The following SPAG16 variants were observed in gnomAD, a reference collection of about 807,000 sequenced individuals.
SPAG16 encodes the protein sperm associated antigen 16.
In SPAG16, 86 loss-of-function variants were observed where a neutral mutation model predicts 80.4. The ratio of observed to expected loss-of-function variants is 1.07; its 90% CI spans 0.90 to 1.28. The LOEUF is 1.28. Ranked by LOEUF, SPAG16 falls within the 50% of genes most tolerant of loss-of-function variation. SPAG16 has a pLI of 0.00. For synonymous variants in SPAG16, 294 were observed against 265.9 expected (o/e 1.11, Z -1.03); for missense variants, 870 against 765.3 (o/e 1.14, Z -1.61).
chr2:213,312,763 G>C (rs767912174), intron 4 of SPAG16, among the ~76,000 whole-genome samples: 1 of 151,590 alleles, frequency 6.6e-6, no homozygotes, highest in Non-Finnish European at 1.5e-5. Flanking sequence ...TAAATTAAGA[G>C]TATATTTCAT....
intron 15 of SPAG16, among the ~76,000 whole-genome samples, chr2:214,308,766 A>G (rs1695095931): frequency 6.6e-6 from 1 of 151,916 alleles, no homozygotes; most frequent in African/African-American, 2.4e-5. Flanking sequence ...ATTATTAGTC[A>G]GGGGCTTCTC....
intron 15 of SPAG16, among the ~76,000 whole-genome samples, chr2:214,179,279 G>T (rs1477641610): frequency 6.6e-6 from 1 of 150,978 alleles, no homozygotes; most frequent in Non-Finnish European, 1.5e-5. Flanking sequence ...GCTATCAGTT[G>T]GTATAATTTT....
chr2:214,163,898 G>A (rs1381776841), intron 15 of SPAG16, among the ~76,000 whole-genome samples: 2 of 151,838 alleles, frequency 1.3e-5, no homozygotes, highest in Non-Finnish European at 2.9e-5. Context: ...TCACATTATG[G>A]AGGGTAATCT....
rs1375045592 is a variant in SPAG16, at chr2:214,139,114, A to C, written c.1594-10026A>C. Among the ~76,000 whole-genome samples the C allele has an allele frequency of 2.0e-5, 3 of 152,152 alleles. No homozygotes were observed. In the East Asian group the frequency reaches 5.8e-4, roughly 29 times the overall value. ...GTCTAGGTCTCATTTCAAGAGCAAT[A>C]TTTGTATTGTCTTAGTGGTTTTCCT... On this transcript the variant is annotated intron_variant, in intron 14 of 15. Coordinates refer to ENST00000331683, the MANE Select transcript of SPAG16 (RefSeq NM_024532.5).
At chr2:214,053,867 T>G (rs952391597) in intron 13 of SPAG16, among the ~76,000 whole-genome samples, 2 of 152,188 alleles carry the variant, frequency 1.3e-5, no homozygotes, top group African/African-American at 4.8e-5. Flanking sequence ...AAAAGTCCTT[T>G]GCAAACTCTG....
rs941253596 is a variant in SPAG16 at position 213,814,643 on chromosome 2, A to G, written c.1071-47842A>G. Among the ~76,000 whole-genome samples the G allele has an allele frequency of 1.6e-4, 24 of 152,166 alleles. No homozygotes were observed. In the South Asian group the frequency reaches 4.4e-3, roughly 28 times the overall value. On this transcript the variant is annotated intron_variant, in intron 10 of 15. Coordinates refer to ENST00000331683, the MANE Select transcript of SPAG16 (RefSeq NM_024532.5). ...TGCCTCTACTAAAAATACAAAAATT[A>G]CCTGGGCATAGTGGCACACGCCTGT...
intron 10 of SPAG16, among the ~76,000 whole-genome samples, chr2:213,716,729 T>C (rs1439159670): frequency 1.3e-5 from 2 of 152,210 alleles, no homozygotes; most frequent in Non-Finnish European, 1.5e-5. Flanking sequence ...TTTTTAGATC[T>C]TGAGATTGTT....
intron 15 of SPAG16, among the ~76,000 whole-genome samples, chr2:214,219,023 C>T (rs2058499434): frequency 6.6e-6 from 1 of 152,120 alleles, no homozygotes; most frequent in South Asian, 2.1e-4. Context: ...GAAGGTGAAG[C>T]TATAGGGCTT....
intron 10 of SPAG16, among the ~76,000 whole-genome samples, chr2:213,805,298 A>G (rs13005544): frequency 0.25 from 38,352 of 151,994 alleles, 5,318 homozygotes; most frequent in Middle Eastern, 0.39. Flanking sequence ...TGGGGTCTAT[A>G]TTTTCAAACT....
intron 15 of SPAG16, among the ~76,000 whole-genome samples, chr2:214,323,995 A>G (rs574581670): frequency 5.3e-5 from 8 of 152,244 alleles, no homozygotes; most frequent in Non-Finnish European, 1.0e-4. Flanking sequence ...CTAATGATTA[A>G]AAGGTCTGAT....
chr2:213,287,647 C>T (rs1323942234), intron 1 of SPAG16, among the ~76,000 whole-genome samples: 5 of 152,138 alleles, frequency 3.3e-5, no homozygotes, highest in Non-Finnish European at 5.9e-5. Context: ...TGTAAGTTTA[C>T]TGGCCAATGA....
intron 10 of SPAG16, among the ~76,000 whole-genome samples, chr2:213,845,978 A>G (rs1214398258): frequency 3.3e-5 from 5 of 152,230 alleles, no homozygotes; most frequent in African/African-American, 9.6e-5. Context: ...AAGCCTAATT[A>G]TACAAATACT....
intron 15 of SPAG16, among the ~76,000 whole-genome samples, chr2:214,264,703 C>CATTTGTT (rs1256993492): frequency 6.6e-6 from 1 of 152,102 alleles, no homozygotes; most frequent in East Asian, 1.9e-4. Flanking sequence ...TGTATAACAT[C>CATTTGTT]ATGCATCCAT....
At chr2:214,356,152 C>T (rs576418981) in intron 15 of SPAG16, among the ~76,000 whole-genome samples, 1 of 150,862 alleles carries the variant, frequency 6.6e-6, no homozygotes, top group African/African-American at 2.4e-5. Flanking sequence ...AACTAACCTG[C>T]ACATTGTGCA....
intron 15 of SPAG16, among the ~76,000 whole-genome samples, chr2:214,178,064 A>G (rs67604431): frequency 0.3 from 42,045 of 141,924 alleles, 7,987 homozygotes; most frequent in Non-Finnish European, 0.42. Context: ...GTGTTTATAT[A>G]TATTTTCAAA....
At chr2:214,017,669 C>T (rs188294150) in intron 13 of SPAG16, among the ~76,000 whole-genome samples, 14 of 152,236 alleles carry the variant, frequency 9.2e-5, no homozygotes, top group African/African-American at 2.6e-4. Context: ...TCCTTATTCC[C>T]TGAAGTATCA....
chr2:214,282,418 A>G (rs1693020603), intron 15 of SPAG16, among the ~76,000 whole-genome samples: 1 of 152,162 alleles, frequency 6.6e-6, no homozygotes, highest in Non-Finnish European at 1.5e-5. Flanking sequence ...CTGTCAATTC[A>G]GTATTTCCTA....
At chr2:213,724,254 T>A (rs187685107) in intron 10 of SPAG16, among the ~76,000 whole-genome samples, 22 of 152,182 alleles carry the variant, frequency 1.4e-4, no homozygotes, top group Admixed American at 7.2e-4. Flanking sequence ...AAAGCATGAT[T>A]TAGTGAGTCT....
chr2:213,631,546 T>C (rs566241230), intron 10 of SPAG16, among the ~76,000 whole-genome samples: 2 of 152,200 alleles, frequency 1.3e-5, no homozygotes, highest in Non-Finnish European at 2.9e-5. Context: ...AAATTCCCCC[T>C]TGCTGTTCTC....
Sources: gnomAD v4.1 joint callset for allele counts (sites outside exome capture counted in the v4.1 genomes callset) on GRCh38, gnomAD v4.1.1 for gene constraint, MANE v1.5 for transcripts, NCBI Gene and HGNC (gene_info 2026-07-23, HGNC 2026-07-21) for gene names.